The following COG5 variants were observed in gnomAD, a reference collection of about 807,000 sequenced individuals.
COG5 encodes the protein component of oligomeric golgi complex 5, also known as conserved oligomeric Golgi complex subunit 5.
COG5 carries 86 observed loss-of-function variants against 110.4 expected under a neutral mutation model. The ratio of observed to expected loss-of-function variants is 0.78; its 90% confidence interval spans 0.65 to 0.93. COG5 has a LOEUF of 0.93. COG5 is among the 40% of genes least tolerant of loss of function. COG5 has a pLI of 0.00. For missense variants in COG5, 1,077 were observed against 987.0 expected, an observed-to-expected ratio of 1.09 and a Z score of -1.22; for synonymous variants, 360 against 334.6, an observed-to-expected ratio of 1.08 and a Z score of -0.83.
At chr7:107,247,133 C>T (rs776644628) in intron 17 of COG5, among the ~76,000 whole-genome samples, 2 of 152,122 alleles carry the variant, frequency 1.3e-5, no homozygotes, top group Non-Finnish European at 2.9e-5. Context: ...AAACCAAATA[C>T]TATGTGTTCT....
At chr7:107,238,317 A>G (rs1801356769) in intron 17 of COG5, among the ~76,000 whole-genome samples, 1 of 152,224 alleles carries the variant, frequency 6.6e-6, no homozygotes, top group Non-Finnish European at 1.5e-5. Flanking sequence ...TGCAATTAAC[A>G]GAATTCCTGT....
At chr7:107,211,073 G>A (rs1436799941) in intron 20 of COG5, 26 bp downstream of exon 20, 2 of 1,613,082 alleles carry the variant, frequency 1.2e-6, no homozygotes, top group Non-Finnish European at 1.7e-6. Flanking sequence ...GTCACAAAAG[G>A]GTTCTGGCTT....
chr7:107,518,558 AAAG>A (rs199577513), intron 6 of COG5, among the ~76,000 whole-genome samples: 1,832 of 152,304 alleles, frequency 0.012, 32 homozygotes, highest in African/African-American at 0.042. Flanking sequence ...CAAAAAAGAC[AAAG>A]AAGGTCATTA....
intron 10 of COG5, among the ~76,000 whole-genome samples, chr7:107,351,772 C>T (rs1357825350): frequency 2.0e-5 from 3 of 151,008 alleles, no homozygotes; most frequent in Non-Finnish European, 4.4e-5. Flanking sequence ...TACCATCTCA[C>T]ACCAGCTAGA....
At chr7:107,333,943 T>C (rs138751219) in intron 10 of COG5, among the ~76,000 whole-genome samples, 12 of 152,260 alleles carry the variant, frequency 7.9e-5, no homozygotes, top group African/African-American at 2.4e-4. Flanking sequence ...TTCTCCCTAA[T>C]AAGAGAAACT....
chr7:107,307,810 ACC>A (rs368482430), intron 11 of COG5, among the ~76,000 whole-genome samples: 27,218 of 152,020 alleles, frequency 0.18, 2,612 homozygotes, highest in Non-Finnish European at 0.22. Context: ...TATTGGGTAC[ACC>A]CACTGCTTGG....
intron 6 of COG5, among the ~76,000 whole-genome samples, chr7:107,509,165 T>C (rs1319399612): frequency 1.3e-5 from 2 of 151,732 alleles, no homozygotes; most frequent in African/African-American, 2.4e-5. Context: ...AGTAGACGAA[T>C]GGCTAACTAG....
chr7:107,208,865 T>C (rs1798957009), intron 21 of COG5: 1 of 985,454 alleles, frequency 1.0e-6, no homozygotes. Context: ...TACTGACCTG[T>C]CATAGCTTCC....
chr7:107,460,443 G>A (rs1433192939), intron 6 of COG5, among the ~76,000 whole-genome samples: 1 of 151,776 alleles, frequency 6.6e-6, no homozygotes, highest in African/African-American at 2.4e-5. Context: ...TAACAGCAAA[G>A]AGATACTTCA....
chr7:107,332,162 A>G (rs1223223282), intron 10 of COG5, among the ~76,000 whole-genome samples: 1 of 150,728 alleles, frequency 6.6e-6, no homozygotes, highest in Non-Finnish European at 1.5e-5. Context: ...ACTGCTTTTC[A>G]GCAAGATCTA....
chr7:107,507,294 TTTC>T (rs1435568732), intron 6 of COG5, among the ~76,000 whole-genome samples: 3 of 140,778 alleles, frequency 2.1e-5, no homozygotes, highest in African/African-American at 7.6e-5. Context: ...TTCCTTTTCT[TTTC>T]TTTTTTTTTT....
intron 6 of COG5, among the ~76,000 whole-genome samples, chr7:107,427,931 G>T (rs1276329971): frequency 6.6e-6 from 1 of 152,140 alleles, no homozygotes; most frequent in Non-Finnish European, 1.5e-5. Context: ...TCAAAGGCGG[G>T]TATCTCTCCT....
chr7:107,210,378 A>G, intron 21 of COG5, 148 bp downstream of exon 21: 1 of 1,451,606 alleles, frequency 6.9e-7, no homozygotes. Context: ...TTGCTCCAGC[A>G]CCCGTGCCTA....
chr7:107,225,497 TCAAA>T (rs1234164143), intron 19 of COG5, among the ~76,000 whole-genome samples: 1 of 152,172 alleles, frequency 6.6e-6, no homozygotes, highest in Non-Finnish European at 1.5e-5. Context: ...TATTCTCCAT[TCAAA>T]CAAATACTTT....
At chr7:107,533,711 G>A (rs890234948) in intron 5 of COG5, among the ~76,000 whole-genome samples, 1 of 151,550 alleles carries the variant, frequency 6.6e-6, no homozygotes, top group African/African-American at 2.4e-5. Flanking sequence ...GAAAGCGATG[G>A]GGAGAATGGA....
chr7:107,277,136 G>A (rs768569976), intron 14 of COG5, among the ~76,000 whole-genome samples: 4 of 152,130 alleles, frequency 2.6e-5, no homozygotes, highest in South Asian at 2.1e-4. Context: ...TATTATGCAC[G>A]TATTAACATA....
chr7:107,380,211 A>G (rs1814992719), intron 7 of COG5, among the ~76,000 whole-genome samples: 1 of 152,138 alleles, frequency 6.6e-6, no homozygotes, highest in African/African-American at 2.4e-5. Context: ...GGAGAAAGAG[A>G]GAAAGATCTA....
intron 14 of COG5, among the ~76,000 whole-genome samples, chr7:107,262,339 T>A (rs1803421754): frequency 6.6e-6 from 1 of 152,168 alleles, no homozygotes; most frequent in Non-Finnish European, 1.5e-5. Flanking sequence ...TAAAATCAAT[T>A]TCAGCAGTGA....
chr7:107,359,245 G>T (rs1205964739), intron 10 of COG5, among the ~76,000 whole-genome samples: 2 of 152,212 alleles, frequency 1.3e-5, no homozygotes, highest in African/African-American at 4.8e-5. Flanking sequence ...CACCTACTTT[G>T]ATTTCACAGC....
Sources: allele counts gnomAD v4.1 joint callset (sites outside exome capture counted in the v4.1 genomes callset), GRCh38; gene constraint gnomAD v4.1.1; transcripts MANE v1.5; gene names NCBI Gene and HGNC (gene_info 2026-07-23, HGNC 2026-07-21).